CUL1: variants seen among roughly 807,000 people sequenced by gnomAD.
CUL1 encodes cullin 1, also known as cullin-1.
A neutral mutation model predicts 118.0 loss-of-function variants in CUL1; 24 were observed. The observed-to-expected ratio is 0.20, with a 90% CI of 0.15 to 0.29. The LOEUF is 0.29. Ranked by LOEUF, CUL1 falls within the 10% of genes least tolerant of loss-of-function variation. CUL1 has a pLI of 1.00. For synonymous variants in CUL1, 332 were observed against 340.4 expected (o/e 0.98, Z 0.27); for missense variants, 361 against 933.8 (o/e 0.39, Z 7.99).
chr7:148,699,325 G>A (rs1225212770), intron 1 of CUL1, among the ~76,000 whole-genome samples: 1 of 151,736 alleles, frequency 6.6e-6, no homozygotes, highest in Non-Finnish European at 1.5e-5. Context: ...GATTCATCGC[G>A]CCTGGAGGCG....
intron 9 of CUL1, among the ~76,000 whole-genome samples, chr7:148,782,593 G>A (rs1303179960): frequency 6.6e-6 from 1 of 151,910 alleles, no homozygotes; most frequent in African/African-American, 2.4e-5. Context: ...ATATCTTATT[G>A]AACTTAGCAC....
intron 7 of CUL1, among the ~76,000 whole-genome samples, chr7:148,764,597 G>T (rs140773092): frequency 6.6e-6 from 1 of 152,206 alleles, no homozygotes; most frequent in African/African-American, 2.4e-5. Context: ...TTTGCTGCCT[G>T]AGATGATTAT....
chr7:148,781,255 G>T (rs1800622035), intron 9 of CUL1, among the ~76,000 whole-genome samples: 1 of 151,646 alleles, frequency 6.6e-6, no homozygotes, highest in Non-Finnish European at 1.5e-5. Flanking sequence ...TGATTTTTTT[G>T]TATTTTTAGT....
intron 1 of CUL1, among the ~76,000 whole-genome samples, chr7:148,714,394 T>C (rs1239255412): frequency 6.6e-6 from 1 of 152,220 alleles, no homozygotes; most frequent in Non-Finnish European, 1.5e-5. Flanking sequence ...CAGTACATTA[T>C]TATTAACTGG....
At chr7:148,733,623 T>C (rs1321619107) in intron 2 of CUL1, among the ~76,000 whole-genome samples, 1 of 152,022 alleles carries the variant, frequency 6.6e-6, no homozygotes, top group African/African-American at 2.4e-5. Flanking sequence ...TAAGGTTGTG[T>C]TTCAGGGAAG....
chr7:148,708,376 G>A (rs1797952019), intron 1 of CUL1, among the ~76,000 whole-genome samples: 1 of 152,154 alleles, frequency 6.6e-6, no homozygotes, highest in Admixed American at 6.5e-5. Context: ...TCTTTTGTTT[G>A]TCCATATTCA....
At chr7:148,717,704 A>T (rs60955973) in intron 1 of CUL1, among the ~76,000 whole-genome samples, 1,606 of 152,024 alleles carry the variant, frequency 0.011, 26 homozygotes, top group African/African-American at 0.037. Flanking sequence ...TCCTGTGATC[A>T]GTTTTCTGCC....
At chr7:148,791,102 C>G (rs1800990297) in intron 16 of CUL1, among the ~76,000 whole-genome samples, 1 of 152,146 alleles carries the variant, frequency 6.6e-6, no homozygotes, top group African/African-American at 2.4e-5. Context: ...CAGAGAATCA[C>G]TTGAGGCTAG....
chr7:148,790,950 GTTAAT>G (rs1487153964), intron 16 of CUL1, among the ~76,000 whole-genome samples: 1 of 152,166 alleles, frequency 6.6e-6, no homozygotes, highest in Non-Finnish European at 1.5e-5. Context: ...TGAGGCTTGG[GTTAAT>G]TTAAGTGAAT....
chr7:148,773,568 CT>C (rs1800293189), intron 9 of CUL1, among the ~76,000 whole-genome samples: 1 of 152,200 alleles, frequency 6.6e-6, no homozygotes, highest in Non-Finnish European at 1.5e-5. Flanking sequence ...GGCCTAGCCT[CT>C]TACCCAGCGA....
In CUL1 at chr7:148,754,219, C is replaced by T. The variant is rs1447687171; in HGVS notation, c.315+69C>T. The T allele has an allele frequency of 2.9e-6, 3 of 1,023,410 alleles. No individual in the cohort carries two copies. In the African/African-American group the frequency reaches 4.9e-5, roughly 17 times the overall value. The allele number at this position is 1,023,410 out of a possible 1,614,324, so 63.4% of individuals were successfully genotyped here. ...AAAAAAAGTGAAATAATGGTTCTAA[C>T]TTGTTAAATCTTTCACTGTCATCTG... On this transcript the variant is annotated intron_variant, in intron 3 of 21. Coordinates refer to ENST00000325222, the MANE Select transcript of CUL1 (RefSeq NM_003592.3).
intron 1 of CUL1, among the ~76,000 whole-genome samples, chr7:148,726,468 C>G (rs243520): frequency 6.6e-6 from 1 of 151,798 alleles, no homozygotes; most frequent in South Asian, 2.1e-4. Context: ...GACTTATTAA[C>G]TCTTTAAAGC....
chr7:148,749,154 C>A (rs1373703327), intron 2 of CUL1, among the ~76,000 whole-genome samples: 1 of 152,132 alleles, frequency 6.6e-6, no homozygotes, highest in Admixed American at 6.5e-5. Context: ...TGGTGGCTCA[C>A]GCCTGTAATC....
At chr7:148,700,765 CAT>C (rs1205323972) in intron 1 of CUL1, among the ~76,000 whole-genome samples, 3 of 152,156 alleles carry the variant, frequency 2.0e-5, no homozygotes, top group Non-Finnish European at 4.4e-5. Flanking sequence ...TCATTGGCTT[CAT>C]CTTTTAAAAA....
intron 1 of CUL1, among the ~76,000 whole-genome samples, chr7:148,721,745 C>G (rs930683040): frequency 2.0e-5 from 3 of 151,860 alleles, no homozygotes; most frequent in Non-Finnish European, 4.4e-5. Flanking sequence ...ACTCAAGACT[C>G]CAGGAATTCA....
chr7:148,783,430 A>C (rs1037818040), intron 9 of CUL1: 2 of 985,490 alleles, frequency 2.0e-6, no homozygotes, highest in South Asian at 4.7e-5. Context: ...CAGCTGAAAC[A>C]GAGTCCAGAG....
At chr7:148,783,366 G>T (rs1246867801) in intron 9 of CUL1, 3 of 985,112 alleles carry the variant, frequency 3.0e-6, no homozygotes, top group African/African-American at 3.5e-5. Context: ...GCTTTCCCTC[G>T]CGTTGCCTGC....
intron 2 of CUL1, among the ~76,000 whole-genome samples, chr7:148,745,260 C>A (rs1304402786): frequency 6.6e-6 from 1 of 151,996 alleles, no homozygotes; most frequent in Non-Finnish European, 1.5e-5. Context: ...ACATATTTTT[C>A]TATATCTTTT....
upstream of CUL1, chr7:148,698,055 T>C (rs541703972): frequency 7.2e-5 from 11 of 152,354 alleles, no homozygotes; most frequent in African/African-American, 2.6e-4. Flanking sequence ...GGGGAAAGCC[T>C]AGTTAGGTTT....
Sources: gnomAD v4.1 joint callset for allele counts (sites outside exome capture counted in the v4.1 genomes callset) on GRCh38, gnomAD v4.1.1 for gene constraint, MANE v1.5 for transcripts, NCBI Gene and HGNC (gene_info 2026-07-23, HGNC 2026-07-21) for gene names.